Variants in BAZ2B observed in about 807,000 individuals in gnomAD.
BAZ2B encodes the protein bromodomain adjacent to zinc finger domain 2B.
BAZ2B carries 91 observed loss-of-function variants against 246.0 expected under a neutral mutation model. The ratio of observed to expected loss-of-function variants is 0.37; its 90% CI spans 0.31 to 0.44. BAZ2B has a LOEUF of 0.44. Ranked by LOEUF, BAZ2B falls within the 20% of genes least tolerant of loss-of-function variation. The probability of loss-of-function intolerance (pLI) is 1.00; values close to 1 mark genes in which losing one functional copy is unlikely to be tolerated. For missense variants in BAZ2B, 2,332 were observed against 2,533.7 expected (o/e 0.92, Z 1.71); for synonymous variants, 855 against 860.0 (o/e 0.99, Z 0.10).
chr2:159,646,135 T>C, the BAZ2B span, among the ~76,000 whole-genome samples: 3 of 152,256 alleles, frequency 2.0e-5, no homozygotes, highest in East Asian at 1.9e-4. Flanking sequence ...GTTTTGACCA[T>C]AGAAGACGGC....
chr2:159,372,939 T>A, intron 27 of BAZ2B, 106 bp downstream of exon 27: 3 of 1,308,780 alleles, frequency 2.3e-6, no homozygotes, highest in Non-Finnish European at 3.1e-6. Context: ...TTTTACATGT[T>A]TACCAAACAT....
At chr2:159,326,841 C>G (rs1000316320) in intron 34 of BAZ2B, among the ~76,000 whole-genome samples, 1 of 152,066 alleles carries the variant, frequency 6.6e-6, no homozygotes, top group Non-Finnish European at 1.5e-5. Flanking sequence ...AAAAATCTGC[C>G]TTTTGAGAGT....
At chr2:159,589,736 A>G (rs1239751619) in intron 1 of BAZ2B, among the ~76,000 whole-genome samples, 3 of 152,224 alleles carry the variant, frequency 2.0e-5, no homozygotes, top group African/African-American at 7.2e-5. Flanking sequence ...TATATAATCC[A>G]TAAACAAATA....
chr2:159,370,328 A>G (rs1458277547), intron 27 of BAZ2B, among the ~76,000 whole-genome samples: 8 of 80,242 alleles, frequency 1.0e-4, no homozygotes, highest in Admixed American at 7.7e-4. Flanking sequence ...ATAAAAATAT[A>G]TATTTATTAA....
At chr2:159,706,689 T>C in the BAZ2B span, among the ~76,000 whole-genome samples, 1 of 152,244 alleles carries the variant, frequency 6.6e-6, no homozygotes, top group African/African-American at 2.4e-5. Context: ...AGTCATACCA[T>C]CTCTGTCACA....
intron 27 of BAZ2B, among the ~76,000 whole-genome samples, chr2:159,356,855 A>G (rs1234058388): frequency 1.3e-5 from 2 of 152,200 alleles, no homozygotes; most frequent in East Asian, 3.9e-4. Flanking sequence ...GTGGACCTCC[A>G]GCAAACTCCA....
At chr2:159,616,958 A>G (rs1430588406), upstream of BAZ2B, 1 of 152,190 alleles carries the variant, frequency 6.6e-6, no homozygotes, top group Non-Finnish European at 1.5e-5. Flanking sequence ...TGCGGATGTT[A>G]AAACTCAAAA....
chr2:159,393,054 G>A (rs558970418), intron 20 of BAZ2B, among the ~76,000 whole-genome samples: 26 of 137,684 alleles, frequency 1.9e-4, no homozygotes, highest in African/African-American at 7.1e-4. Context: ...GGAACCATGT[G>A]AATATTTGGT....
chr2:159,421,716 T>C (rs1290761471), intron 13 of BAZ2B, among the ~76,000 whole-genome samples: 4 of 151,754 alleles, frequency 2.6e-5, no homozygotes, highest in Admixed American at 2.6e-4. Flanking sequence ...ATATCTTGAA[T>C]CAAAAAATGA....
chr2:159,447,377 A>G (rs2074405632), intron 5 of BAZ2B, among the ~76,000 whole-genome samples: 1 of 152,262 alleles, frequency 6.6e-6, no homozygotes, highest in Non-Finnish European at 1.5e-5. Flanking sequence ...CAAAATGTTT[A>G]GAAAGATAAT....
chr2:159,463,422 G>T, intron 3 of BAZ2B: 1 of 174,970 alleles, frequency 5.7e-6, no homozygotes, highest in Non-Finnish European at 1.2e-5. Flanking sequence ...TGGATTATAT[G>T]GTAATTCTAT....
At chr2:159,383,829 T>C (rs1315793473) in intron 23 of BAZ2B, 149 bp from the exon 24 acceptor site, 6 of 632,480 alleles carry the variant, frequency 9.5e-6, no homozygotes, top group African/African-American at 5.5e-5. Context: ...CACGTTCATA[T>C]ATGTATGTGT....
chr2:159,649,960 A>T, the BAZ2B span, among the ~76,000 whole-genome samples: 2 of 151,880 alleles, frequency 1.3e-5, no homozygotes, highest in South Asian at 4.2e-4. Flanking sequence ...TTCTATTGTA[A>T]TTTCTTCAAA....
In BAZ2B at chr2:159,474,563, G is replaced by T. The variant is rs553995169; in HGVS notation, c.145+4012C>A. Among the ~76,000 whole-genome samples, 230 of 152,224 alleles carry T rather than the reference G, an allele frequency of 1.5e-3. 1 individual carries two copies. The Middle Eastern group carries it at 0.017, about 11-fold the overall frequency. ...GGCATTTAGCCCATTTACATTTAAG[G>T]TTAATATTGTTATGTGTGAATTTCA... is the stretch of plus-strand genomic sequence containing the variant. On this transcript the variant is annotated intron_variant, in intron 3 of 36. Coordinates refer to ENST00000392783, the MANE Select transcript of BAZ2B (RefSeq NM_013450.4).
Position 159,423,159 on chromosome 2 carries a change from C to CA in BAZ2B, c.2466+4781dup, listed in dbSNP as rs543991271. Among the ~76,000 whole-genome samples the CA allele has an allele frequency of 1.9e-3, 290 of 151,968 alleles. 1 individual carries two copies. The highest frequency in any genetic ancestry group is 6.5e-3 in the African/African-American group (270 of 41,456). ...TGAAACCCTGTCTCTACTGAAAACA[C>CA]AAAAAAATTAGCTGGGCGCGGTGGC... On this transcript the variant is annotated intron_variant, in intron 13 of 36. Coordinates refer to ENST00000392783, the MANE Select transcript of BAZ2B (RefSeq NM_013450.4).
intron 13 of BAZ2B, among the ~76,000 whole-genome samples, chr2:159,416,357 T>G (rs1034929503): frequency 6.6e-6 from 1 of 152,186 alleles, no homozygotes; most frequent in Non-Finnish European, 1.5e-5. Flanking sequence ...AAGGAAGATA[T>G]CAGCATAGTT....
intron 2 of BAZ2B, among the ~76,000 whole-genome samples, chr2:159,549,823 TC>T (rs2087903531): frequency 6.7e-6 from 1 of 148,994 alleles, no homozygotes; most frequent in African/African-American, 2.5e-5. Context: ...CTTTTTTCTT[TC>T]TTTTTTTTTT....
At chr2:159,457,674 T>C (rs2075945045) in intron 3 of BAZ2B, among the ~76,000 whole-genome samples, 1 of 152,198 alleles carries the variant, frequency 6.6e-6, no homozygotes, top group Non-Finnish European at 1.5e-5. Flanking sequence ...CTTAAACTCT[T>C]AAAGTTTCAC....
chr2:159,619,491 A>G (rs865951933), upstream of BAZ2B, among the ~76,000 whole-genome samples: 2 of 151,494 alleles, frequency 1.3e-5, no homozygotes, highest in African/African-American at 2.4e-5. Context: ...TAAATGAAAG[A>G]CTGACATAGG....
Sources: gnomAD v4.1 joint callset for allele counts (sites outside exome capture counted in the v4.1 genomes callset) on GRCh38, gnomAD v4.1.1 for gene constraint, MANE v1.5 for transcripts, NCBI Gene and HGNC (gene_info 2026-07-23, HGNC 2026-07-21) for gene names.